The following SULT6B1 variants were observed in gnomAD, a reference collection of about 807,000 sequenced individuals.
SULT6B1 encodes the protein sulfotransferase 6B1.
Under a neutral mutation model 37.2 loss-of-function variants are expected in SULT6B1, and 44 were observed. The observed-to-expected ratio is 1.18, with a 90% confidence interval of 0.93 to 1.52. SULT6B1 has a LOEUF of 1.52. Among genes scored for constraint, SULT6B1 ranks in the 40% most tolerant of loss-of-function variants. The pLI is 0.00. For missense variants in SULT6B1, 450 were observed against 361.0 expected, an observed-to-expected ratio of 1.25 and a Z score of -2.00; for synonymous variants, 140 against 126.0, an observed-to-expected ratio of 1.11 and a Z score of -0.74.
upstream of SULT6B1, among the ~76,000 whole-genome samples, chr2:37,191,760 C>T (rs1025195271): frequency 6.6e-6 from 1 of 152,178 alleles, no homozygotes; most frequent in African/African-American, 2.4e-5. Flanking sequence ...ACTGTATCCC[C>T]CACCCTTCAC....
intron 5 of SULT6B1, among the ~76,000 whole-genome samples, chr2:37,173,640 C>G (rs998948122): frequency 1.3e-5 from 2 of 152,190 alleles, no homozygotes; most frequent in African/African-American, 2.4e-5. Context: ...ATATTATTGG[C>G]CAGGCCAATA....
In SULT6B1 at chr2:37,167,887, T is replaced by G; in HGVS notation, c.*48A>C. On this transcript the variant is annotated 3_prime_UTR_variant, in exon 7 of 7. Coordinates refer to ENST00000535679, the MANE Select transcript of SULT6B1 (RefSeq NM_001367551.1). ...GAATTATCATTTAATTATTTACACT[T>G]AATTATTATTAAGGAAAATAAATCT... 6.7e-7 allele frequency: 1 copy of G among 1,483,586 alleles called. No individual in the cohort carries two copies. Among genetic ancestry groups the G allele is most frequent in the Non-Finnish European group, 9.0e-7 (1 of 1,115,412 alleles). The allele number at this position is 1,483,586 out of a possible 1,614,324, so 91.9% of individuals were successfully genotyped here. A position where few individuals can be genotyped will look rare whatever the true frequency, so the allele number is the denominator to read the frequency against.
At chr2:37,182,169 T>C (rs749693396) in intron 3 of SULT6B1, among the ~76,000 whole-genome samples, 7 of 152,180 alleles carry the variant, frequency 4.6e-5, no homozygotes, top group Non-Finnish European at 8.8e-5. Flanking sequence ...ATTGTAGTCA[T>C]CTTAACAGTT....
chr2:37,181,152 G>T lies in SULT6B1; in HGVS notation c.403-1568C>A, dbSNP rs1676541091. Among the ~76,000 whole-genome samples, 2 of 152,098 alleles carry T rather than the reference G, an allele frequency of 1.3e-5. 1 individual carries two copies. The highest frequency in any genetic ancestry group is 4.1e-4 in the South Asian group (2 of 4,820). On this transcript the variant is annotated intron_variant, in intron 3 of 6. Transcript: ENST00000535679. ...GATAAAATTGAGTAGAGATCAATGGGTCTGGGTCTTGTCTTGTACTTAGAT... is the reference window on the plus strand; with the variant it reads ...GATAAAATTGAGTAGAGATCAATGGTTCTGGGTCTTGTCTTGTACTTAGAT...
chr2:37,177,533 G>C (rs1676458585), intron 4 of SULT6B1, among the ~76,000 whole-genome samples: 1 of 152,152 alleles, frequency 6.6e-6, no homozygotes, highest in Non-Finnish European at 1.5e-5. Flanking sequence ...GGTGGTTACA[G>C]GGATGGGGAA....
rs745577832 is a variant in SULT6B1, at chr2:37,188,661, C to T, written c.-21G>A. The T allele has an allele frequency of 3.3e-6, 3 of 898,062 alleles. No homozygotes were observed. The highest frequency in any genetic ancestry group is 2.0e-5 in the Admixed American group (1 of 49,566). 55.6% of individuals were successfully genotyped at this position (898,062 alleles called of 1,614,324 possible). ...GCCATGGTGGCTCCCTGTAAAAGAACCTGCTCTGTGGCTGTTCAGGGGGAG... is the reference window on the plus strand; with the variant it reads ...GCCATGGTGGCTCCCTGTAAAAGAATCTGCTCTGTGGCTGTTCAGGGGGAG... On this transcript the variant is annotated 5_prime_UTR_variant, in exon 1 of 7. Coordinates refer to ENST00000535679, the MANE Select transcript of SULT6B1 (RefSeq NM_001367551.1).
Position 37,187,438 on chromosome 2 carries a change from C to T in SULT6B1, c.229G>A (p.Glu77Lys). The T allele has an allele frequency of 1.2e-6, 2 of 1,604,360 alleles. No individual in the cohort carries two copies. Among genetic ancestry groups the T allele is most frequent in the Non-Finnish European group, 8.5e-7 (1 of 1,173,420 alleles). ...GSNWILHIVSELIYAVSKKKY... is the reference protein window; with the variant it reads ...GSNWILHIVSKLIYAVSKKKY... ...TTTTTAGAAACAGCATATATTAATT[C>T]ACTGACAATGTGGAGAATCCAGTTT... The change falls in exon 2 of 7, where the codon GAA becomes AAA. Residue 77 changes from glutamate (E) to lysine (K), a missense_variant. Physicochemically the swap from Glu to Lys is moderately conservative, Grantham distance 56 (BLOSUM62 1). Transcript: ENST00000535679.
rs1221167665 is a variant in SULT6B1 at position 37,171,550 on chromosome 2, C to G, written c.665G>C (p.Gly222Ala). The G allele has an allele frequency of 6.2e-7, 1 of 1,613,902 alleles. No individual in the cohort carries two copies. Among genetic ancestry groups the G allele is most frequent in the Non-Finnish European group, 8.5e-7 (1 of 1,179,988 alleles). The change falls in exon 6 of 7, where the codon GGA becomes GCA. Residue 222 changes from glycine (G) to alanine (A), a missense_variant. Transcript: ENST00000535679. ...AGIKQIAEFL[G>A]FFLTGEQIQT... The stretch of plus-strand genomic sequence containing the variant: ...AATTTGCTCCCCAGTTAGAAAGAAT[C>G]CCAAGAACTCAGCAATCTGTTTTAT...
At chr2:37,193,643 A>AAGAAGAAGAAGAAGAAGG (rs1184385119), upstream of SULT6B1, among the ~76,000 whole-genome samples, 346 of 132,364 alleles carry the variant, frequency 2.6e-3, no homozygotes, top group African/African-American at 9.3e-3. Flanking sequence ...GAAGAAGAAG[A>AAGAAGAAGAAGAAGAAGG]AGAAGAAGGA....
At chr2:37,195,013 G>C (rs1558455949) in intron 1 of SULT6B1, among the ~76,000 whole-genome samples, 2 of 150,956 alleles carry the variant, frequency 1.3e-5, no homozygotes, top group Non-Finnish European at 2.9e-5. Context: ...GCAGTGGCAC[G>C]ATCTTGGCTC....
chr2:37,184,403 A>G (rs1025534674), intron 2 of SULT6B1, among the ~76,000 whole-genome samples: 1 of 152,236 alleles, frequency 6.6e-6, no homozygotes, highest in Non-Finnish European at 1.5e-5. Context: ...ATCTATTTCT[A>G]TAGATAATTT....
At chr2:37,184,905 A>G (rs1676639039) in intron 2 of SULT6B1, among the ~76,000 whole-genome samples, 1 of 152,236 alleles carries the variant, frequency 6.6e-6, no homozygotes, top group Non-Finnish European at 1.5e-5. Flanking sequence ...TTTTAAAAAT[A>G]AAACGCACTT....
At chr2:37,184,339 A>T (rs76509294) in intron 2 of SULT6B1, among the ~76,000 whole-genome samples, 3,744 of 152,326 alleles carry the variant, frequency 0.025, 135 homozygotes, top group African/African-American at 0.085. Context: ...GAAATGTTTT[A>T]TGAGAGAAAT....
chr2:37,178,428 G>A (rs1482254595), intron 4 of SULT6B1, among the ~76,000 whole-genome samples: 1 of 152,038 alleles, frequency 6.6e-6, no homozygotes, highest in Admixed American at 6.6e-5. Flanking sequence ...CAGAGACGGG[G>A]TTTTGCCATG....
intron 2 of SULT6B1, among the ~76,000 whole-genome samples, chr2:37,183,913 C>T (rs142608746): frequency 2.6e-5 from 4 of 152,048 alleles, no homozygotes; most frequent in Non-Finnish European, 5.9e-5. Flanking sequence ...CAAAGTGCTG[C>T]GATTACAGGC....
Position 37,175,148 on chromosome 2 carries a change from T to C in SULT6B1, c.608A>G (p.Tyr203Cys), listed in dbSNP as rs1278847030. 2 of 1,547,078 alleles carry C rather than the reference T, an allele frequency of 1.3e-6. No homozygotes were observed. Among genetic ancestry groups the C allele is most frequent in the Non-Finnish European group, 1.7e-6 (2 of 1,144,450 alleles). Residue 203 changes from tyrosine to cysteine, a missense_variant, in exon 5 of 7, where the codon TAT (tyrosine) becomes TGT (cysteine). Tyr to Cys is a radical substitution (Grantham distance 194). Transcript: ENST00000535679. ...LDGDNVKFILYEDLKENLAAG... is the reference protein window; with the variant it reads ...LDGDNVKFILCEDLKENLAAG... Reference sequence around the variant, plus strand: ...TAATCTCACCTCTTTCAGGTCTTCATATAATATGAACTTAACATTGTCGCC... The same window carrying C: ...TAATCTCACCTCTTTCAGGTCTTCACATAATATGAACTTAACATTGTCGCC...
At chr2:37,187,577 T>G (rs181458943) in intron 1 of SULT6B1, 110 bp from the exon 2 acceptor site, 4 of 565,536 alleles carry the variant, frequency 7.1e-6, no homozygotes, top group Non-Finnish European at 1.2e-5. Flanking sequence ...CATTCCCTGA[T>G]GTGTATATTT....
intron 3 of SULT6B1, among the ~76,000 whole-genome samples, chr2:37,182,079 C>G (rs1270668553): frequency 6.6e-6 from 1 of 152,106 alleles, no homozygotes; most frequent in Admixed American, 6.6e-5. Context: ...GCTGCTCATT[C>G]TAAACCTCCA....
At chr2:37,193,528 C>T (rs2148304470), upstream of SULT6B1, among the ~76,000 whole-genome samples, 1 of 148,176 alleles carries the variant, frequency 6.7e-6, no homozygotes, top group South Asian at 2.2e-4. Context: ...CTCTTACCTT[C>T]TTTTCCTTTG....
Sources: gnomAD v4.1 joint callset for allele counts (sites outside exome capture counted in the v4.1 genomes callset) on GRCh38, gnomAD v4.1.1 for gene constraint, MANE v1.5 for transcripts, NCBI Gene and HGNC (gene_info 2026-07-23, HGNC 2026-07-21) for gene names.